PIK3CD: variants seen among roughly 807,000 people sequenced by gnomAD.
PIK3CD encodes phosphatidylinositol 4,5-bisphosphate 3-kinase catalytic subunit delta isoform.
Under a neutral mutation model 122.9 loss-of-function variants are expected in PIK3CD, and 20 were observed. The ratio of observed to expected loss-of-function variants is 0.16; its 90% CI spans 0.11 to 0.24. PIK3CD has a LOEUF of 0.24. PIK3CD is among the 10% of genes least tolerant of loss of function. The pLI is 1.00. For synonymous variants in PIK3CD, 596 were observed against 593.4 expected (o/e 1.00, Z -0.06); for missense variants, 787 against 1,406.3 (o/e 0.56, Z 7.04).
intron 1 of PIK3CD, among the ~76,000 whole-genome samples, chr1:9,686,928 T>C: frequency 6.6e-6 from 1 of 152,230 alleles, no homozygotes; most frequent in Non-Finnish European, 1.5e-5. Flanking sequence ...ACTCTTTTAA[T>C]TCTTCTCTAC....
In PIK3CD at chr1:9,722,666, C is replaced by A. The variant is rs1054052640; in HGVS notation, c.2426+60C>A. 2.2e-6 allele frequency: 3 copies of A among 1,390,344 alleles called. No homozygotes were observed. Among genetic ancestry groups the A allele is most frequent in the Admixed American group, 1.7e-5 (1 of 59,104 alleles). 86.1% of individuals were successfully genotyped at this position (1,390,344 alleles called of 1,614,324 possible). On this transcript the variant is annotated intron_variant, in intron 19 of 23. Coordinates refer to ENST00000377346, the MANE Select transcript of PIK3CD (RefSeq NM_005026.5). The surrounding 1 kb of genome is among the most constrained non-coding windows in gnomAD (Gnocchi z 7.6). ...CTGTGCCCAGCCTGGGAGTCTGTGC[C>A]CCTGGAGGGGTCCTTGTTGAAGGTG... is the stretch of plus-strand genomic sequence containing the variant.
At position 9,710,471 on chromosome 1, in the gene PIK3CD, G is replaced by A. The variant is rs879660382; in HGVS notation, c.16G>A (p.Asp6Asn). The change falls in exon 3 of 24, where the codon GAC becomes AAC. Residue 6 changes from aspartate to asparagine, a missense_variant. By Grantham distance (23) the Asp-to-Asn change is conservative. Transcript: ENST00000377346. This position sits in a 1 kb window ranked among gnomAD's most constrained non-coding sequence, Gnocchi z 4.7. Reference protein sequence around the residue: MPPGVDCPMEFWTKEE... With the variant: MPPGVNCPMEFWTKEE... Reference sequence around the variant, plus strand: ...ACAACGCAGGATGCCCCCTGGGGTGGACTGCCCCATGGAATTCTGGACCAA... The same window carrying A: ...ACAACGCAGGATGCCCCCTGGGGTGAACTGCCCCATGGAATTCTGGACCAA... 1.4e-5 allele frequency: 23 copies of A among 1,614,116 alleles called. No individual in the cohort carries two copies. Among genetic ancestry groups the A allele is most frequent in the Non-Finnish European group, 1.9e-5 (23 of 1,180,016 alleles).
chr1:9,708,046 G>T (rs992741352), intron 2 of PIK3CD, among the ~76,000 whole-genome samples: 1 of 151,748 alleles, frequency 6.6e-6, no homozygotes, highest in Admixed American at 6.6e-5. Flanking sequence ...CACTCGCCTC[G>T]GCCTCCCAAA....
chr1:9,649,232 CTTTT>C (rs1644635067), upstream of PIK3CD, among the ~76,000 whole-genome samples: 1 of 151,918 alleles, frequency 6.6e-6, no homozygotes, highest in Admixed American at 6.6e-5. Flanking sequence ...CTCTCTCGCT[CTTTT>C]TCTTTTTTTT....
Position 9,727,327 on chromosome 1 carries a change from T to C in PIK3CD, c.*281T>C, listed in dbSNP as rs1649815821. ...TTGTCACCCCAAGTCTTCCAGCTGG[T>C]GGATCTGGGCCCAGCAAAGACTGTT... On this transcript the variant is annotated 3_prime_UTR_variant, in exon 24 of 24. Transcript: ENST00000377346. The C allele has an allele frequency of 2.0e-6, 1 of 508,312 alleles. No individual in the cohort carries two copies. Among genetic ancestry groups the C allele is most frequent in the Non-Finnish European group, 3.6e-6 (1 of 279,020 alleles). The allele number at this position is 508,312 out of a possible 1,614,324, so 31.5% of individuals were successfully genotyped here.
At chr1:9,642,259 T>C in the PIK3CD span, among the ~76,000 whole-genome samples, 1 of 151,742 alleles carries the variant, frequency 6.6e-6, no homozygotes, top group Non-Finnish European at 1.5e-5. Flanking sequence ...ACTACAGGCA[T>C]GCACCACCAT....
chr1:9,673,289 T>G (rs542777096), intron 1 of PIK3CD, among the ~76,000 whole-genome samples: 1 of 152,038 alleles, frequency 6.6e-6, no homozygotes, highest in African/African-American at 2.4e-5. Flanking sequence ...AAACAGAGTC[T>G]CCCTCTGTCG....
At chr1:9,684,887 C>A (rs1645908870) in intron 1 of PIK3CD, among the ~76,000 whole-genome samples, 1 of 150,160 alleles carries the variant, frequency 6.7e-6, no homozygotes. Flanking sequence ...AAAGAATGAG[C>A]AATGCAAACC....
At chr1:9,642,561 CAA>C in the PIK3CD span, among the ~76,000 whole-genome samples, 1 of 149,610 alleles carries the variant, frequency 6.7e-6, no homozygotes. Context: ...ACTAAAAATA[CAA>C]AAAATTAGCC....
At chr1:9,643,365 G>A in the PIK3CD span, among the ~76,000 whole-genome samples, 2 of 148,334 alleles carry the variant, frequency 1.3e-5, no homozygotes, top group Admixed American at 6.8e-5. Context: ...CTAAGATCAC[G>A]CAATTGCACT....
chr1:9,706,050 AT>A lies in PIK3CD; in HGVS notation c.-32-4350del, dbSNP rs140912843. Reference sequence around the variant, plus strand: ...AATTGCTGTTGATTCATTTATTGGAATTTTTTTTTTTTTTTTTTTTTTTTGG... The same window carrying A: ...AATTGCTGTTGATTCATTTATTGGAATTTTTTTTTTTTTTTTTTTTTTTGG... On this transcript the variant is annotated intron_variant, in intron 2 of 23. Coordinates refer to ENST00000377346, the MANE Select transcript of PIK3CD (RefSeq NM_005026.5). Among the ~76,000 whole-genome samples, 216 of 85,202 alleles carry A rather than the reference AT, an allele frequency of 2.5e-3. 1 individual carries two copies. The highest frequency in any genetic ancestry group is 6.7e-3 in the African/African-American group (141 of 21,026). The allele number at this position is 85,202 out of a possible 152,430, so 55.9% of individuals were successfully genotyped here.
chr1:9,712,393 G>C (rs1647090399), intron 3 of PIK3CD, among the ~76,000 whole-genome samples: 1 of 151,974 alleles, frequency 6.6e-6, no homozygotes, highest in Non-Finnish European at 1.5e-5. Context: ...CAATTCTCCT[G>C]CCTCATCTTC....
At chr1:9,713,111 A>T (rs2100809293) in intron 3 of PIK3CD, among the ~76,000 whole-genome samples, 1 of 152,264 alleles carries the variant, frequency 6.6e-6, no homozygotes, top group South Asian at 2.1e-4. Context: ...TGAACCTGGG[A>T]GGTGGAGGTT....
intron 1 of PIK3CD, among the ~76,000 whole-genome samples, chr1:9,657,942 G>A (rs1644904876): frequency 6.6e-6 from 1 of 152,088 alleles, no homozygotes; most frequent in African/African-American, 2.4e-5. Flanking sequence ...TGGGTGAGGT[G>A]CTCCAGGGCT....
chr1:9,671,529 G>C (rs1047820770), intron 1 of PIK3CD, among the ~76,000 whole-genome samples: 1 of 152,184 alleles, frequency 6.6e-6, no homozygotes, highest in African/African-American at 2.4e-5. Context: ...CCTGTCATGA[G>C]TTCTTGAGGT....
Position 9,710,735 on chromosome 1 carries a change from A to G in PIK3CD, c.141+139A>G. The G allele has an allele frequency of 1.1e-6, 1 of 892,534 alleles. No homozygotes were observed. The highest frequency in any genetic ancestry group is 1.8e-6 in the Non-Finnish European group (1 of 542,892). 55.3% of individuals were successfully genotyped at this position (892,534 alleles called of 1,614,324 possible). ...CAGATGGACAGATGCACTGCTTTTC[A>G]GACTTGGGATCCTCAGATGAGAATT... On this transcript the variant is annotated intron_variant, in intron 3 of 23. Transcript: ENST00000377346. This position sits in a 1 kb window ranked among gnomAD's most constrained non-coding sequence, Gnocchi z 4.7.
chr1:9,629,975 A>G, the PIK3CD span, among the ~76,000 whole-genome samples: 1 of 152,230 alleles, frequency 6.6e-6, no homozygotes, highest in Non-Finnish European at 1.5e-5. Context: ...CGGGGGTCAG[A>G]GGCGCCCAGG....
chr1:9,716,749 C>A, intron 6 of PIK3CD, 130 bp downstream of exon 6: 3 of 1,181,072 alleles, frequency 2.5e-6, no homozygotes, highest in African/African-American at 1.5e-5. Flanking sequence ...ACCGCCAGAG[C>A]ATCCCCTGGT....
chr1:9,637,934 T>A, the PIK3CD span, among the ~76,000 whole-genome samples: 2 of 151,748 alleles, frequency 1.3e-5, no homozygotes. Flanking sequence ...TGAAACCCTG[T>A]CTCTACTAAA....
Sources: gnomAD v4.1 joint callset for allele counts (sites outside exome capture counted in the v4.1 genomes callset) on GRCh38, gnomAD v4.1.1 for gene constraint, Gnocchi (gnomAD v3.1) non-coding constraint, MANE v1.5 for transcripts, NCBI Gene and HGNC (gene_info 2026-07-23, HGNC 2026-07-21) for gene names.